The following VWC2L variants were observed in gnomAD, a reference collection of about 807,000 sequenced individuals.
VWC2L encodes von Willebrand factor C domain-containing protein 2-like.
A neutral mutation model predicts 21.6 loss-of-function variants in VWC2L; 10 were observed. The observed-to-expected ratio is 0.46, with a 90% CI of 0.29 to 0.78. VWC2L has a LOEUF of 0.78. Among genes scored for constraint, VWC2L ranks in the 30% least tolerant of loss-of-function variants. VWC2L has a pLI of 0.10. For synonymous variants in VWC2L, 96 were observed against 94.3 expected, an observed-to-expected ratio of 1.02 and a Z score of -0.10; for missense variants, 209 against 277.1, an observed-to-expected ratio of 0.75 and a Z score of 1.74.
In VWC2L at chr2:214,578,797, A is replaced by C. The variant is rs1294736015; in HGVS notation, c.*2977A>C. The C allele has an allele frequency of 6.6e-6, 1 of 152,080 alleles. No individual in the cohort carries two copies. Among genetic ancestry groups the C allele is most frequent in the African/African-American group, 2.4e-5 (1 of 41,418 alleles). 9.4% of individuals were successfully genotyped at this position (152,080 alleles called of 1,614,324 possible). A position where few individuals can be genotyped will look rare whatever the true frequency, so the allele number is the denominator to read the frequency against. ...ACATCTTGTTTGTCAGCTGATGCCT[A>C]TTAAAAACGATTCAGTTTCTAAAAT... On this transcript the variant is annotated 3_prime_UTR_variant, in exon 4 of 4. Transcript: ENST00000312504.
chr2:214,484,290 A>C (rs1006954735), intron 3 of VWC2L, among the ~76,000 whole-genome samples: 9 of 152,210 alleles, frequency 5.9e-5, no homozygotes, highest in Admixed American at 4.6e-4. Context: ...AGTACAGTAC[A>C]AGGATGCTAG....
chr2:214,472,691 G>A (rs1703327761), intron 3 of VWC2L, among the ~76,000 whole-genome samples: 1 of 152,188 alleles, frequency 6.6e-6, no homozygotes. Flanking sequence ...ATGTCACCAT[G>A]GTGATGAGAT....
chr2:214,451,264 T>G (rs1382834429), intron 3 of VWC2L, among the ~76,000 whole-genome samples: 3 of 147,466 alleles, frequency 2.0e-5, no homozygotes, highest in Non-Finnish European at 4.5e-5. Flanking sequence ...TATTAAGAAA[T>G]TCATTCTAAA....
chr2:214,540,292 C>G (rs1689606378), intron 3 of VWC2L, among the ~76,000 whole-genome samples: 1 of 152,080 alleles, frequency 6.6e-6, no homozygotes, highest in African/African-American at 2.4e-5. Context: ...CTTTCTTAAA[C>G]TTCAAAATAA....
rs755307089 is a variant in VWC2L, at chr2:214,476,896, G to A, written c.520+40138G>A. Among the ~76,000 whole-genome samples, 5 of 152,060 alleles carry A rather than the reference G, an allele frequency of 3.3e-5. No individual in the cohort carries two copies. The South Asian group carries it at 6.2e-4, about 19-fold the overall frequency. ...TCAAACATTTATTTTGCCAATTTGCGGTGTAGCTGATGCTGAGGTGTTCTT... is the reference window on the plus strand; with the variant it reads ...TCAAACATTTATTTTGCCAATTTGCAGTGTAGCTGATGCTGAGGTGTTCTT... On this transcript the variant is annotated intron_variant, in intron 3 of 3. Transcript: ENST00000312504.
rs757611546 is a variant in VWC2L, at chr2:214,414,233, G to C, written c.40G>C (p.Val14Leu). ...TCATGAAGCTTGCATACTTCTGTTG[G>C]TCATCCCTGGATTGGTCACCTCTGC... The part of the protein sequence containing the change: ...HIHEACILLL[V>L]IPGLVTSAAI... The change falls in exon 2 of 4, where the codon GTC becomes CTC. Residue 14 changes from valine (V) to leucine (L), a missense_variant. Coordinates refer to ENST00000312504, the MANE Select transcript of VWC2L (RefSeq NM_001080500.4). 1 of 1,613,250 alleles carries C rather than the reference G, an allele frequency of 6.2e-7. No homozygotes were observed. Among genetic ancestry groups the C allele is most frequent in the Admixed American group, 1.7e-5 (1 of 59,888 alleles).
At chr2:214,423,910 T>A (rs891986554) in intron 2 of VWC2L, among the ~76,000 whole-genome samples, 1 of 152,106 alleles carries the variant, frequency 6.6e-6, no homozygotes, top group Admixed American at 6.6e-5. Flanking sequence ...GGACCCATTT[T>A]TTTTTTCACT....
intron 3 of VWC2L, among the ~76,000 whole-genome samples, chr2:214,476,667 C>A (rs2126195209): frequency 6.6e-6 from 1 of 152,278 alleles, no homozygotes; most frequent in South Asian, 2.1e-4. Context: ...TGAAGCTGGC[C>A]TCATTACATC....
chr2:214,513,372 G>C (rs145613378), intron 3 of VWC2L, among the ~76,000 whole-genome samples: 2 of 152,246 alleles, frequency 1.3e-5, no homozygotes, highest in African/African-American at 4.8e-5. Context: ...ATTATTGAAT[G>C]ACGTCCAGAA....
intron 3 of VWC2L, 119 bp from the exon 4 acceptor site, chr2:214,575,553 A>G (rs1690216375): frequency 3.7e-6 from 4 of 1,073,408 alleles, no homozygotes; most frequent in Non-Finnish European, 4.0e-6. Flanking sequence ...TTCCTTGATG[A>G]TAAGTCAGTA....
At chr2:214,549,340 A>G (rs1483314776) in intron 3 of VWC2L, among the ~76,000 whole-genome samples, 1 of 152,246 alleles carries the variant, frequency 6.6e-6, no homozygotes, top group Admixed American at 6.5e-5. Flanking sequence ...TACCACAGGT[A>G]TGTATACCAA....
intron 3 of VWC2L, among the ~76,000 whole-genome samples, chr2:214,564,267 C>T (rs1410252541): frequency 1.3e-5 from 2 of 152,138 alleles, no homozygotes; most frequent in Non-Finnish European, 2.9e-5. Flanking sequence ...AGATTCAATG[C>T]TATACCCATT....
At chr2:214,507,602 A>G (rs1688985256) in intron 3 of VWC2L, among the ~76,000 whole-genome samples, 1 of 152,212 alleles carries the variant, frequency 6.6e-6, no homozygotes, top group Admixed American at 6.5e-5. Context: ...ATCTTGGACC[A>G]AAGTCCAGAG....
chr2:214,560,380 GTGTC>G (rs1302854599), intron 3 of VWC2L, among the ~76,000 whole-genome samples: 1 of 152,070 alleles, frequency 6.6e-6, no homozygotes, highest in Non-Finnish European at 1.5e-5. Flanking sequence ...GTGGGTGGGC[GTGTC>G]TGTCTGTAGT....
intron 3 of VWC2L, among the ~76,000 whole-genome samples, chr2:214,499,407 A>C (rs1239218767): frequency 1.3e-5 from 2 of 151,378 alleles, no homozygotes; most frequent in Non-Finnish European, 2.9e-5. Context: ...CACCAGTTAC[A>C]CTGAACACTT....
chr2:214,564,648 C>A (rs914952728), intron 3 of VWC2L, among the ~76,000 whole-genome samples: 1 of 152,114 alleles, frequency 6.6e-6, no homozygotes, highest in African/African-American at 2.4e-5. Flanking sequence ...CACATTTCCT[C>A]TTCTAAGATG....
intron 3 of VWC2L, among the ~76,000 whole-genome samples, chr2:214,541,154 G>A (rs1689620300): frequency 1.3e-5 from 2 of 152,136 alleles, no homozygotes; most frequent in African/African-American, 4.8e-5. Context: ...TGATTATCTG[G>A]GCTGGGATGA....
At position 214,433,159 on chromosome 2, in the gene VWC2L, G is replaced by GATATATATATAT. The variant is rs5838434; in HGVS notation, c.391-3457_391-3446dup. 3.8e-3 allele frequency among the ~76,000 whole-genome samples: 502 copies of GATATATATATAT among 132,930 alleles called. 6 individuals carry two copies. Among genetic ancestry groups the GATATATATATAT allele is most frequent in the East Asian group, 0.031 (138 of 4,456 alleles). 87.2% of individuals were successfully genotyped at this position (132,930 alleles called of 152,430 possible). On this transcript the variant is annotated intron_variant, in intron 2 of 3. Transcript: ENST00000312504. ...GATATATTAACTGCTCAAGCCACCT[G>GATATATATATAT]ATATATATATATATATATATATATT...
intron 3 of VWC2L, among the ~76,000 whole-genome samples, chr2:214,459,698 G>A (rs1703110583): frequency 6.6e-6 from 1 of 152,064 alleles, no homozygotes. Flanking sequence ...GAAAAGACTG[G>A]TCTTCCTTCA....
Sources: gnomAD v4.1 joint callset for allele counts (sites outside exome capture counted in the v4.1 genomes callset) on GRCh38, gnomAD v4.1.1 for gene constraint, MANE v1.5 for transcripts, NCBI Gene and HGNC (gene_info 2026-07-23, HGNC 2026-07-21) for gene names.